Variants in B3GALT1 observed in about 807,000 individuals in gnomAD.
The protein encoded by B3GALT1 is beta-1,3-galactosyltransferase 1.
In B3GALT1, 10 loss-of-function variants were observed where a neutral mutation model predicts 23.2. The ratio of observed to expected loss-of-function variants is 0.43; its 90% CI spans 0.27 to 0.73. The LOEUF (loss-of-function observed/expected upper bound fraction) is 0.73. Ranked by LOEUF, B3GALT1 falls within the 30% of genes least tolerant of loss-of-function variation. B3GALT1 has a pLI of 0.21. For synonymous variants in B3GALT1, 156 were observed against 141.5 expected (o/e 1.10, Z -0.73); for missense variants, 299 against 405.4 (o/e 0.74, Z 2.25).
intron 1 of B3GALT1, among the ~76,000 whole-genome samples, chr2:167,450,427 G>T (rs896639828): frequency 6.6e-6 from 1 of 152,090 alleles, no homozygotes; most frequent in Non-Finnish European, 1.5e-5. Flanking sequence ...GTCTGAAAAA[G>T]ACTGTGTCTT....
At chr2:167,356,378 T>C (rs1020824843) in intron 1 of B3GALT1, among the ~76,000 whole-genome samples, 2 of 152,220 alleles carry the variant, frequency 1.3e-5, no homozygotes, top group Non-Finnish European at 2.9e-5. Context: ...ATTTATTTGA[T>C]TTTTGTGATT....
intron 1 of B3GALT1, among the ~76,000 whole-genome samples, chr2:167,467,340 T>C (rs1363031829): frequency 1.3e-5 from 2 of 152,196 alleles, no homozygotes; most frequent in Non-Finnish European, 2.9e-5. Flanking sequence ...CCTCGAGCAT[T>C]ATTTTTAACT....
At chr2:167,408,063 C>CACAG (rs1698331152) in intron 1 of B3GALT1, among the ~76,000 whole-genome samples, 1 of 127,346 alleles carries the variant, frequency 7.9e-6, no homozygotes, top group African/African-American at 3.0e-5. Context: ...CACACACACA[C>CACAG]ACACACACAG....
Position 167,863,986 on chromosome 2 carries a change from A to ATGTGTGTG in B3GALT1, c.-229-4822_-229-4821insGTGTGTGT, listed in dbSNP as rs1182774237. ...ATAGTGATTCTGTGTGCATGCATGTATGTATGTGTGTGTGTGTGTGTGTGT... is the reference window on the plus strand; with the variant it reads ...ATAGTGATTCTGTGTGCATGCATGTATGTGTGTGTGTATGTGTGTGTGTGTGTGTGTGT... On this transcript the variant is annotated intron_variant, in intron 4 of 4. Coordinates refer to ENST00000392690, the MANE Select transcript of B3GALT1 (RefSeq NM_020981.4). 2.3e-5 allele frequency among the ~76,000 whole-genome samples: 3 copies of ATGTGTGTG among 132,208 alleles called. 1 individual carries two copies. Among genetic ancestry groups the ATGTGTGTG allele is most frequent in the African/African-American group, 9.0e-5 (3 of 33,294 alleles). 86.7% of individuals were successfully genotyped at this position (132,208 alleles called of 152,430 possible).
At chr2:167,843,685 T>G (rs1689697155) in intron 4 of B3GALT1, among the ~76,000 whole-genome samples, 1 of 152,204 alleles carries the variant, frequency 6.6e-6, no homozygotes, top group Non-Finnish European at 1.5e-5. Flanking sequence ...CATCCTAACA[T>G]CAGAAGGGTT....
intron 2 of B3GALT1, among the ~76,000 whole-genome samples, chr2:167,512,568 GTATATATATATGTATATATATA>G (rs1393681852): frequency 5.2e-5 from 2 of 38,734 alleles, no homozygotes; most frequent in African/African-American, 3.1e-4. Flanking sequence ...ATATATATAT[GTATATATATATGTATATATATA>G]TGTGTATATA....
chr2:167,472,580 A>G (rs1048430635), intron 1 of B3GALT1, among the ~76,000 whole-genome samples: 1 of 152,112 alleles, frequency 6.6e-6, no homozygotes, highest in Non-Finnish European at 1.5e-5. Flanking sequence ...CTCTAATCAC[A>G]ACCTAAAATA....
rs1311969363 is a variant in B3GALT1, at chr2:167,715,829, C to G, written c.-352+68863C>G. On this transcript the variant is annotated intron_variant, in intron 3 of 4. Transcript: ENST00000392690. Reference sequence around the variant, plus strand: ...TTCAATTAGTCCAGAAAGCATTTCACCAAGTTTTTTTCTCTCTTCCCACAT... The same window carrying G: ...TTCAATTAGTCCAGAAAGCATTTCAGCAAGTTTTTTTCTCTCTTCCCACAT... The G allele has an allele frequency of 3.1e-6, 5 of 1,613,930 alleles. No homozygotes were observed. The East Asian group carries it at 6.7e-5, about 22-fold the overall frequency.
chr2:167,664,431 A>C (rs1333320647), intron 3 of B3GALT1, among the ~76,000 whole-genome samples: 1 of 151,826 alleles, frequency 6.6e-6, no homozygotes, highest in African/African-American at 2.4e-5. Flanking sequence ...CTTAGGATTG[A>C]CTTGGCAATG....
At chr2:167,703,087 T>G (rs1423950419) in intron 3 of B3GALT1, among the ~76,000 whole-genome samples, 2 of 152,058 alleles carry the variant, frequency 1.3e-5, no homozygotes, top group Non-Finnish European at 2.9e-5. Context: ...GACAATCAAT[T>G]AGGTTCACTG....
At chr2:167,420,038 A>C (rs1044203706) in intron 1 of B3GALT1, among the ~76,000 whole-genome samples, 3 of 152,210 alleles carry the variant, frequency 2.0e-5, no homozygotes, top group Non-Finnish European at 2.9e-5. Context: ...TAGTCCAGCA[A>C]ACTGATATTT....
intron 2 of B3GALT1, among the ~76,000 whole-genome samples, chr2:167,544,490 T>A (rs570392730): frequency 6.6e-6 from 1 of 151,924 alleles, no homozygotes; most frequent in East Asian, 1.9e-4. Flanking sequence ...AGAGATGGGG[T>A]TTCACCATGT....
intron 1 of B3GALT1, among the ~76,000 whole-genome samples, chr2:167,330,948 T>C (rs1053088956): frequency 6.6e-6 from 1 of 152,116 alleles, no homozygotes; most frequent in African/African-American, 2.4e-5. Flanking sequence ...GCACATCTAG[T>C]GTGACAGTGT....
chr2:167,608,485 G>C (rs1574165198), intron 2 of B3GALT1, among the ~76,000 whole-genome samples: 3 of 152,042 alleles, frequency 2.0e-5, no homozygotes, highest in African/African-American at 7.2e-5. Flanking sequence ...TAGGTGTTTT[G>C]ATACCTCACA....
At chr2:167,853,683 T>C (rs903330787) in intron 4 of B3GALT1, among the ~76,000 whole-genome samples, 1 of 152,192 alleles carries the variant, frequency 6.6e-6, no homozygotes, top group African/African-American at 2.4e-5. Flanking sequence ...GTTGTCAGCA[T>C]GTCTCCAGAC....
chr2:167,429,313 T>C (rs952921740), intron 1 of B3GALT1, among the ~76,000 whole-genome samples: 1 of 150,910 alleles, frequency 6.6e-6, no homozygotes, highest in South Asian at 2.1e-4. Flanking sequence ...AGAAATGTTT[T>C]AAAAATTGGA....
At chr2:167,761,977 A>G (rs541019456) in intron 3 of B3GALT1, among the ~76,000 whole-genome samples, 1 of 152,338 alleles carries the variant, frequency 6.6e-6, no homozygotes, top group South Asian at 2.1e-4. Flanking sequence ...AATAAGTATT[A>G]GTCAAACTAA....
At chr2:167,610,126 G>T (rs776961955) in intron 2 of B3GALT1, among the ~76,000 whole-genome samples, 4 of 152,076 alleles carry the variant, frequency 2.6e-5, no homozygotes, top group Non-Finnish European at 5.9e-5. Flanking sequence ...ATCTTTTAGC[G>T]AATGTTAACT....
chr2:167,822,562 A>G (rs1689131132), intron 4 of B3GALT1, among the ~76,000 whole-genome samples: 1 of 152,234 alleles, frequency 6.6e-6, no homozygotes, highest in South Asian at 2.1e-4. Context: ...CAAAGAGATT[A>G]TTAAAATAAC....
Sources: gnomAD v4.1 joint callset for allele counts (sites outside exome capture counted in the v4.1 genomes callset) on GRCh38, gnomAD v4.1.1 for gene constraint, MANE v1.5 for transcripts, NCBI Gene and HGNC (gene_info 2026-07-23, HGNC 2026-07-21) for gene names.